IGF1R: variants seen among roughly 807,000 people sequenced by gnomAD.
IGF1R encodes the protein insulin like growth factor 1 receptor, also known as insulin-like growth factor 1 receptor.
In IGF1R, 44 loss-of-function variants were observed where a neutral mutation model predicts 144.6. The observed-to-expected ratio is 0.30, with a 90% CI of 0.24 to 0.39. The LOEUF (loss-of-function observed/expected upper bound fraction) is 0.39. Among genes scored for constraint, IGF1R ranks in the 10% least tolerant of loss-of-function variants. The pLI is 1.00. For missense variants in IGF1R, 1,355 were observed against 1,833.7 expected, an observed-to-expected ratio of 0.74 and a Z score of 4.77; for synonymous variants, 795 against 722.8, an observed-to-expected ratio of 1.10 and a Z score of -1.60.
chr15:98,915,347 G>T (rs2015197810), intron 8 of IGF1R, among the ~76,000 whole-genome samples: 2 of 152,190 alleles, frequency 1.3e-5, no homozygotes, highest in Non-Finnish European at 2.9e-5. Flanking sequence ...CTGCTTTTCA[G>T]AGTCATGCCT....
chr15:98,673,227 T>G (rs1391331258), intron 1 of IGF1R, among the ~76,000 whole-genome samples: 1 of 152,222 alleles, frequency 6.6e-6, no homozygotes, highest in African/African-American at 2.4e-5. Flanking sequence ...AGCTGATTGA[T>G]GTACTGGCAT....
chr15:98,823,894 C>T (rs1226719465), intron 2 of IGF1R, among the ~76,000 whole-genome samples: 1 of 152,074 alleles, frequency 6.6e-6, no homozygotes, highest in African/African-American at 2.4e-5. Flanking sequence ...TATTTTCAGG[C>T]ATATTCTGAG....
intron 19 of IGF1R, 139 bp downstream of exon 19, chr15:98,943,191 T>C: frequency 1.1e-6 from 1 of 940,416 alleles, no homozygotes; most frequent in Non-Finnish European, 1.7e-6. Flanking sequence ...TGAGCCACAC[T>C]TCTTCATCAT....
At chr15:98,852,992 C>T (rs915043415) in intron 2 of IGF1R, among the ~76,000 whole-genome samples, 1 of 152,194 alleles carries the variant, frequency 6.6e-6, no homozygotes, top group Non-Finnish European at 1.5e-5. Flanking sequence ...CTACAAATGC[C>T]GCCCTTCCTC....
At chr15:98,657,173 A>C (rs1331679414) in intron 1 of IGF1R, among the ~76,000 whole-genome samples, 1 of 152,240 alleles carries the variant, frequency 6.6e-6, no homozygotes, top group African/African-American at 2.4e-5. Context: ...AGTCAGCCAA[A>C]GTTTAGTCAA....
intron 2 of IGF1R, among the ~76,000 whole-genome samples, chr15:98,878,702 C>CA (rs988623885): frequency 6.6e-5 from 6 of 90,864 alleles, no homozygotes; most frequent in East Asian, 2.6e-4. Context: ...AAAACAACAA[C>CA]AAAAAAAAGG....
intron 20 of IGF1R, 146 bp downstream of exon 20, chr15:98,948,854 T>C: frequency 1.0e-6 from 1 of 954,278 alleles, no homozygotes; most frequent in Non-Finnish European, 1.7e-6. Flanking sequence ...TTTGTCCTTG[T>C]GGAAGGAGCT....
At chr15:98,852,897 A>G (rs2011600393) in intron 2 of IGF1R, among the ~76,000 whole-genome samples, 1 of 152,114 alleles carries the variant, frequency 6.6e-6, no homozygotes, top group African/African-American at 2.4e-5. Flanking sequence ...TCTCCTGGTG[A>G]GCACAGCATA....
chr15:98,658,248 T>A (rs1257310539), intron 1 of IGF1R, among the ~76,000 whole-genome samples: 3 of 152,230 alleles, frequency 2.0e-5, no homozygotes. Flanking sequence ...TTCACTACTC[T>A]GCTACTTCTC....
chr15:98,935,189 C>G lies in IGF1R; in HGVS notation c.3187-127C>G. ...GCCTTCTGGATAGTTACCCCATTACCTCACTGCTACCTTCAGACCCCTGTG... is the reference window on the plus strand; with the variant it reads ...GCCTTCTGGATAGTTACCCCATTACGTCACTGCTACCTTCAGACCCCTGTG... On this transcript the variant is annotated intron_variant, in intron 16 of 20. Coordinates refer to ENST00000650285, the MANE Select transcript of IGF1R (RefSeq NM_000875.5). This position sits in a 1 kb window ranked among gnomAD's most constrained non-coding sequence, Gnocchi z 4.2. The G allele has an allele frequency of 3.2e-6, 3 of 948,104 alleles. No individual in the cohort carries two copies. The highest frequency in any genetic ancestry group is 5.0e-6 in the Non-Finnish European group (3 of 597,330). 58.7% of individuals were successfully genotyped at this position (948,104 alleles called of 1,614,324 possible).
intron 2 of IGF1R, among the ~76,000 whole-genome samples, chr15:98,805,970 C>G (rs1264636694): frequency 1.3e-5 from 2 of 152,194 alleles, no homozygotes; most frequent in Non-Finnish European, 2.9e-5. Context: ...TCTGCCCTTG[C>G]TGCAGATGCG....
At chr15:98,790,873 C>T (rs967050457) in intron 2 of IGF1R, among the ~76,000 whole-genome samples, 1 of 152,184 alleles carries the variant, frequency 6.6e-6, no homozygotes, top group African/African-American at 2.4e-5. Context: ...ACCTTTAGTT[C>T]ATTTACCTTA....
chr15:98,691,076 G>T (rs1006348806), intron 1 of IGF1R, among the ~76,000 whole-genome samples: 1 of 152,178 alleles, frequency 6.6e-6, no homozygotes, highest in African/African-American at 2.4e-5. Flanking sequence ...GTGTCACCAT[G>T]GTAATTTGCC....
At chr15:98,801,837 G>C (rs1476421124) in intron 2 of IGF1R, among the ~76,000 whole-genome samples, 1 of 152,170 alleles carries the variant, frequency 6.6e-6, no homozygotes, top group East Asian at 1.9e-4. Context: ...CCCCATCCCC[G>C]TGGCTAGCAG....
chr15:98,879,133 C>G (rs2013239726), intron 2 of IGF1R, among the ~76,000 whole-genome samples: 1 of 152,190 alleles, frequency 6.6e-6, no homozygotes, highest in Non-Finnish European at 1.5e-5. Flanking sequence ...CAGTGTTCTT[C>G]ATTGCCTTTG....
Position 98,959,723 on chromosome 15 carries a change from A to G in IGF1R, c.*2281A>G. ...ATAGAAATGTTTAGGAGTAAGAACA[A>G]AGCTGGGATACGGTGATTGCTAGTT... On this transcript the variant is annotated 3_prime_UTR_variant, in exon 21 of 21. Coordinates refer to ENST00000650285, the MANE Select transcript of IGF1R (RefSeq NM_000875.5). 1 of 233,608 alleles carries G rather than the reference A, an allele frequency of 4.3e-6. No homozygotes were observed. Among genetic ancestry groups the G allele is most frequent in the East Asian group, 6.0e-5 (1 of 16,596 alleles). 14.5% of individuals were successfully genotyped at this position (233,608 alleles called of 1,614,324 possible). A position where few individuals can be genotyped will look rare whatever the true frequency, so the allele number is the denominator to read the frequency against.
chr15:98,734,905 C>G (rs936634059), intron 2 of IGF1R, among the ~76,000 whole-genome samples: 1 of 152,188 alleles, frequency 6.6e-6, no homozygotes, highest in Non-Finnish European at 1.5e-5. Context: ...TTCTATGCAG[C>G]CTGTATGTAA....
chr15:98,784,843 C>T (rs1156722667), intron 2 of IGF1R, among the ~76,000 whole-genome samples: 2 of 152,224 alleles, frequency 1.3e-5, no homozygotes, highest in Middle Eastern at 3.4e-3. Context: ...GATGTGCATA[C>T]GTTATATGCA....
At chr15:98,826,218 A>C (rs970865642) in intron 2 of IGF1R, among the ~76,000 whole-genome samples, 1 of 152,268 alleles carries the variant, frequency 6.6e-6, no homozygotes, top group African/African-American at 2.4e-5. Context: ...ACTAATACTT[A>C]TGTGCATACG....
Sources: allele counts gnomAD v4.1 joint callset (sites outside exome capture counted in the v4.1 genomes callset), GRCh38; gene constraint gnomAD v4.1.1; non-coding constraint Gnocchi (gnomAD v3.1); transcripts MANE v1.5; gene names NCBI Gene and HGNC (gene_info 2026-07-23, HGNC 2026-07-21).